Variants in NR6A1 observed in about 807,000 individuals in gnomAD.
NR6A1 encodes nuclear receptor subfamily 6 group A member 1, also known as retinoic acid receptor-related testis-associated receptor.
NR6A1 carries 7 observed loss-of-function variants against 59.1 expected under a neutral mutation model. The ratio of observed to expected loss-of-function variants is 0.12; its 90% CI spans 0.07 to 0.22. NR6A1 has a LOEUF of 0.22. Among genes scored for constraint, NR6A1 ranks in the 10% least tolerant of loss-of-function variants. The pLI is 1.00. For synonymous variants in NR6A1, 243 were observed against 236.1 expected (o/e 1.03, Z -0.27); for missense variants, 468 against 611.6 (o/e 0.77, Z 2.48).
At position 124,685,829 on chromosome 9, in the gene NR6A1, A is replaced by G. The variant is rs192187706; in HGVS notation, c.142+47479T>C. Among the ~76,000 whole-genome samples, 207 of 152,368 alleles carry G rather than the reference A, an allele frequency of 1.4e-3. 2 individuals carry two copies. Among genetic ancestry groups the G allele is most frequent in the Non-Finnish European group, 2.1e-3 (140 of 68,038 alleles). On this transcript the variant is annotated intron_variant, in intron 2 of 9. Transcript: ENST00000487099. Reference sequence around the variant, plus strand: ...TCAATTTCAGGTTAGCAATGGAGAGATAGGTCCAAAAACAATAAACCAAGT... The same window carrying G: ...TCAATTTCAGGTTAGCAATGGAGAGGTAGGTCCAAAAACAATAAACCAAGT...
chr9:124,757,905 C>T (rs774451968), intron 1 of NR6A1, among the ~76,000 whole-genome samples: 47 of 152,202 alleles, frequency 3.1e-4, no homozygotes, highest in African/African-American at 7.2e-4. Context: ...TCACACACTT[C>T]GGCTTGCTCA....
intron 2 of NR6A1, among the ~76,000 whole-genome samples, chr9:124,713,794 C>T (rs1317632242): frequency 3.3e-5 from 5 of 152,126 alleles, no homozygotes; most frequent in Non-Finnish European, 5.9e-5. Context: ...CTGATGAGAA[C>T]GTAAAGTGGG....
rs1832825442 is a variant in NR6A1 at position 124,522,637 on chromosome 9, T to C, written c.*68A>G. The C allele has an allele frequency of 1.1e-5, 15 of 1,310,238 alleles. No homozygotes were observed. Among genetic ancestry groups the C allele is most frequent in the Non-Finnish European group, 1.6e-5 (15 of 936,802 alleles). The allele number at this position is 1,310,238 out of a possible 1,614,324, so 81.2% of individuals were successfully genotyped here. A position where few individuals can be genotyped will look rare whatever the true frequency, so the allele number is the denominator to read the frequency against. On this transcript the variant is annotated 3_prime_UTR_variant, in exon 10 of 10. Coordinates refer to ENST00000487099, the MANE Select transcript of NR6A1 (RefSeq NM_033334.4). ...GCCTCCATCTTGGTCTCTCTGGCTT[T>C]TCCCTCCAGAGCCTGTCCTGCCCAC...
At chr9:124,556,293 C>A (rs7026187) in intron 2 of NR6A1, among the ~76,000 whole-genome samples, 20,086 of 151,966 alleles carry the variant, frequency 0.13, 3,628 homozygotes, top group African/African-American at 0.4. Flanking sequence ...AGAAACACAT[C>A]ACATGCAAAA....
chr9:124,562,757 A>G (rs969144065), intron 2 of NR6A1, among the ~76,000 whole-genome samples: 1 of 152,210 alleles, frequency 6.6e-6, no homozygotes, highest in African/African-American at 2.4e-5. Context: ...TCAAATTCAA[A>G]GGAAGTAAAA....
chr9:124,524,085 C>G (rs1279264668), intron 9 of NR6A1, among the ~76,000 whole-genome samples: 1 of 152,134 alleles, frequency 6.6e-6, no homozygotes, highest in Non-Finnish European at 1.5e-5. Context: ...CATAAAATTC[C>G]TCTGCAAATA....
At chr9:124,594,951 T>A (rs1008474759) in intron 2 of NR6A1, among the ~76,000 whole-genome samples, 6 of 152,244 alleles carry the variant, frequency 3.9e-5, no homozygotes, top group Non-Finnish European at 8.8e-5. Flanking sequence ...TCGGGAACTC[T>A]TCTCAGTAGT....
intron 2 of NR6A1, among the ~76,000 whole-genome samples, chr9:124,665,860 G>A (rs573223135): frequency 3.3e-4 from 50 of 152,328 alleles, no homozygotes; most frequent in African/African-American, 1.2e-3. Context: ...CGCCTACAGA[G>A]TGTCTAAATA....
At chr9:124,682,095 A>C (rs995746877) in intron 2 of NR6A1, among the ~76,000 whole-genome samples, 1 of 151,930 alleles carries the variant, frequency 6.6e-6, no homozygotes, top group African/African-American at 2.4e-5. Flanking sequence ...CCTTGGTTCA[A>C]GCGATTCTCC....
At chr9:124,712,887 A>G (rs2131075652) in intron 2 of NR6A1, among the ~76,000 whole-genome samples, 1 of 152,334 alleles carries the variant, frequency 6.6e-6, no homozygotes, top group South Asian at 2.1e-4. Context: ...ACAGATTAGT[A>G]ATTAATTATT....
chr9:124,716,626 CTTTT>C (rs1262446426), intron 2 of NR6A1, among the ~76,000 whole-genome samples: 1 of 152,094 alleles, frequency 6.6e-6, no homozygotes, highest in Non-Finnish European at 1.5e-5. Flanking sequence ...ACATGAATTT[CTTTT>C]TTATTTATTT....
intron 2 of NR6A1, among the ~76,000 whole-genome samples, chr9:124,730,793 G>C (rs543168952): frequency 1.2e-4 from 19 of 152,184 alleles, no homozygotes; most frequent in African/African-American, 4.1e-4. Context: ...ATTTTCAATT[G>C]CTACTAGGTG....
intron 2 of NR6A1, among the ~76,000 whole-genome samples, chr9:124,606,097 C>T (rs1308741808): frequency 1.3e-5 from 2 of 151,462 alleles, no homozygotes; most frequent in Admixed American, 6.6e-5. Context: ...AAGAGCCTTC[C>T]TCTCCCTTCT....
intron 2 of NR6A1, among the ~76,000 whole-genome samples, chr9:124,695,647 G>A (rs1259359292): frequency 6.6e-6 from 1 of 152,168 alleles, no homozygotes; most frequent in Non-Finnish European, 1.5e-5. Context: ...TGGGATTATA[G>A]GCATGAGTCA....
At chr9:124,534,038 A>C (rs1449899651) in intron 7 of NR6A1, among the ~76,000 whole-genome samples, 1 of 150,366 alleles carries the variant, frequency 6.7e-6, no homozygotes, top group East Asian at 2.0e-4. Flanking sequence ...ATTTATTGAA[A>C]TGTCTATTTA....
chr9:124,680,498 A>G (rs1465166996), intron 2 of NR6A1, among the ~76,000 whole-genome samples: 2 of 152,228 alleles, frequency 1.3e-5, no homozygotes, highest in Non-Finnish European at 2.9e-5. Flanking sequence ...CGGAGTGTAC[A>G]AAGTACAGAG....
At chr9:124,581,332 C>T (rs1404589635) in intron 2 of NR6A1, among the ~76,000 whole-genome samples, 2 of 152,158 alleles carry the variant, frequency 1.3e-5, no homozygotes, top group African/African-American at 2.4e-5. Context: ...CAGTGGCTCA[C>T]GCTTGTAATC....
chr9:124,733,396 T>A, intron 1 of NR6A1, 47 bp from the exon 2 acceptor site: 1 of 1,361,418 alleles, frequency 7.3e-7, no homozygotes, highest in South Asian at 1.2e-5. Flanking sequence ...GTGAATTACT[T>A]CAAGCTGACT....
Position 124,638,263 on chromosome 9 carries a change from T to TA in NR6A1, c.143-83694dup, listed in dbSNP as rs35053088. ...GTGAGACATCTGTCTCTTTGGTGTT[T>TA]AAAAAAAAAAAAAAAGTTCAAGGAC... On this transcript the variant is annotated intron_variant, in intron 2 of 9. Transcript: ENST00000487099. 2.7e-3 allele frequency among the ~76,000 whole-genome samples: 377 copies of TA among 139,626 alleles called. 4 individuals are homozygous for TA. The highest frequency in any genetic ancestry group is 0.02 in the South Asian group (88 of 4,326). The allele number at this position is 139,626 out of a possible 152,430, so 91.6% of individuals were successfully genotyped here. A position where few individuals can be genotyped will look rare whatever the true frequency, so the allele number is the denominator to read the frequency against.
Sources: gnomAD v4.1 joint callset for allele counts (sites outside exome capture counted in the v4.1 genomes callset) on GRCh38, gnomAD v4.1.1 for gene constraint, MANE v1.5 for transcripts, NCBI Gene and HGNC (gene_info 2026-07-23, HGNC 2026-07-21) for gene names.